The following CTCF variants were observed in gnomAD, a reference collection of about 807,000 sequenced individuals.
The protein encoded by CTCF is transcriptional repressor CTCF.
In CTCF, 7 loss-of-function variants were observed where a neutral mutation model predicts 72.3. The ratio of observed to expected loss-of-function variants is 0.10; its 90% CI spans 0.06 to 0.18. The LOEUF (loss-of-function observed/expected upper bound fraction) is 0.18, where lower values mean the gene tolerates loss of function less well. CTCF is among the 10% of genes least tolerant of loss of function. CTCF has a pLI of 1.00. For missense variants in CTCF, 516 were observed against 949.1 expected, an observed-to-expected ratio of 0.54 and a Z score of 6.00; for synonymous variants, 374 against 315.8, an observed-to-expected ratio of 1.18 and a Z score of -1.95.
chr16:67,584,072 T>A (rs1449420592), intron 2 of CTCF, among the ~76,000 whole-genome samples: 1 of 120,394 alleles, frequency 8.3e-6, no homozygotes, highest in African/African-American at 3.9e-5. Context: ...GTGCAGTCGT[T>A]TAAAAATGTC....
intron 2 of CTCF, among the ~76,000 whole-genome samples, chr16:67,591,448 A>G (rs1447260232): frequency 2.0e-5 from 3 of 152,114 alleles, no homozygotes; most frequent in South Asian, 4.1e-4. Flanking sequence ...TATTCTCCCA[A>G]TTCAACTCCT....
At chr16:67,621,722 G>A (rs1447479281) in intron 7 of CTCF, 131 bp downstream of exon 7, 2 of 311,526 alleles carry the variant, frequency 6.4e-6, no homozygotes, top group Admixed American at 4.5e-5. Flanking sequence ...CTGTCACTTA[G>A]TTTAGTAAAA....
At chr16:67,628,662 C>T (rs2052322500) in intron 9 of CTCF, 110 bp downstream of exon 9, 2 of 1,117,528 alleles carry the variant, frequency 1.8e-6, no homozygotes, top group African/African-American at 3.1e-5. Flanking sequence ...CAGAGATGCT[C>T]CATTGTTTGG....
Position 67,626,541 on chromosome 16 carries a change from T to C in CTCF, c.1358-14T>C, listed in dbSNP as rs2052289918. The C allele has an allele frequency of 6.9e-7, 1 of 1,443,554 alleles. No individual in the cohort carries two copies. Among genetic ancestry groups the C allele is most frequent in the Non-Finnish European group, 9.2e-7 (1 of 1,088,852 alleles). The allele number at this position is 1,443,554 out of a possible 1,614,324, so 89.4% of individuals were successfully genotyped here. On this transcript the variant is annotated splice_polypyrimidine_tract_variant and intron_variant, in intron 7 of 11. Transcript: ENST00000264010. The stretch of plus-strand genomic sequence containing the variant: ...TGTTTTCACATTACCCTGGGCTTTT[T>C]ACTGTGCTTTCAGGTGTCCACTTGC...
At chr16:67,634,029 G>C (rs1218668276) in intron 10 of CTCF, among the ~76,000 whole-genome samples, 1 of 152,090 alleles carries the variant, frequency 6.6e-6, no homozygotes, top group Non-Finnish European at 1.5e-5. Flanking sequence ...GTGAATAATA[G>C]TATTCAAGTC....
At chr16:67,636,593 A>C (rs1366524082) in intron 10 of CTCF, 97 bp from the exon 11 acceptor site, 5 of 453,334 alleles carry the variant, frequency 1.1e-5, no homozygotes, top group Non-Finnish European at 1.7e-5. Context: ...ATATATATTT[A>C]TAAAACAAGA....
chr16:67,604,708 T>A (rs1028166162), intron 2 of CTCF, among the ~76,000 whole-genome samples: 2 of 151,122 alleles, frequency 1.3e-5, no homozygotes, highest in African/African-American at 2.4e-5. Context: ...TAAAATAGAT[T>A]ACTAAAATTA....
At chr16:67,608,406 G>A (rs1192887026) in intron 2 of CTCF, among the ~76,000 whole-genome samples, 3 of 152,150 alleles carry the variant, frequency 2.0e-5, no homozygotes, top group Non-Finnish European at 2.9e-5. Flanking sequence ...TGTCAGGAGA[G>A]AGGTGAATGT....
intron 2 of CTCF, among the ~76,000 whole-genome samples, chr16:67,605,210 T>C (rs2142804530): frequency 6.6e-6 from 1 of 152,240 alleles, no homozygotes; most frequent in African/African-American, 2.4e-5. Context: ...CCTGACCTCA[T>C]GATCCACCCG....
At chr16:67,579,929 C>T (rs1419932243) in intron 2 of CTCF, among the ~76,000 whole-genome samples, 2 of 152,098 alleles carry the variant, frequency 1.3e-5, no homozygotes, top group Non-Finnish European at 2.9e-5. Context: ...TGCAGATCTG[C>T]TGATAGGGCC....
At chr16:67,613,748 C>T (rs981132649) in intron 4 of CTCF, among the ~76,000 whole-genome samples, 2 of 152,072 alleles carry the variant, frequency 1.3e-5, no homozygotes, top group African/African-American at 2.4e-5. Flanking sequence ...CGTACTCCAA[C>T]CTAAGTGACA....
In CTCF at chr16:67,573,321, C is replaced by G. The variant is rs954307650; in HGVS notation, c.-10+2057C>G. On this transcript the variant is annotated intron_variant, in intron 2 of 11. Transcript: ENST00000264010. ...GTGCGTGCCTGTAATCCCAACTACT[C>G]GGGAGGCTGAGGCAGGAGAATCACC... 1.0e-3 allele frequency among the ~76,000 whole-genome samples: 153 copies of G among 150,432 alleles called. 1 individual carries two copies. Among genetic ancestry groups the G allele is most frequent in the African/African-American group, 3.2e-3 (132 of 40,984 alleles).
At chr16:67,599,572 G>A (rs186393936) in intron 2 of CTCF, among the ~76,000 whole-genome samples, 33 of 152,212 alleles carry the variant, frequency 2.2e-4, no homozygotes, top group African/African-American at 5.5e-4. Flanking sequence ...CCTCATCCCC[G>A]ATTGCCTGGA....
chr16:67,570,952 A>G (rs964800860), intron 1 of CTCF, 196 bp from the exon 2 acceptor site: 3 of 152,086 alleles, frequency 2.0e-5, no homozygotes, highest in Admixed American at 2.0e-4. Flanking sequence ...AAATGTGTGA[A>G]AAAATAAATG....
chr16:67,611,401 G>A lies in CTCF; in HGVS notation c.569G>A (p.Ser190Asn). The A allele has an allele frequency of 6.2e-7, 1 of 1,614,146 alleles. No individual in the cohort carries two copies. The highest frequency in any genetic ancestry group is 1.3e-5 in the African/African-American group (1 of 75,042). The change falls in exon 3 of 12, where the codon AGT (serine) becomes AAT (asparagine). Residue 190 changes from serine to asparagine, a missense_variant. By Grantham distance (46) the Ser-to-Asn change is conservative. This residue lies in a region of CTCF where 53 missense variants were observed against 63.6 expected (regional missense o/e 0.83). Coordinates refer to ENST00000264010, the MANE Select transcript of CTCF (RefSeq NM_006565.4). Reference sequence around the variant, plus strand: ...GAACTTCCACCCCAGGAAGATCCTAGTTGGCAAAAAGACCCAGACTATCAG... The same window carrying A: ...GAACTTCCACCCCAGGAAGATCCTAATTGGCAAAAAGACCCAGACTATCAG... ...QGELPPQEDP[S>N]WQKDPDYQPP...
chr16:67,600,231 A>G (rs879940765), intron 2 of CTCF, among the ~76,000 whole-genome samples: 4 of 151,122 alleles, frequency 2.6e-5, no homozygotes, highest in African/African-American at 7.3e-5. Context: ...TAAATTTATT[A>G]TTTTTTTTAT....
chr16:67,573,779 T>A (rs2051457908), intron 2 of CTCF, among the ~76,000 whole-genome samples: 1 of 152,122 alleles, frequency 6.6e-6, no homozygotes, highest in South Asian at 2.1e-4. Flanking sequence ...ATGCCTGTAA[T>A]CCTAGCACTT....
chr16:67,629,723 G>C (rs1236274411), intron 10 of CTCF, among the ~76,000 whole-genome samples, 190 bp downstream of exon 10: 1 of 100,656 alleles, frequency 9.9e-6, no homozygotes, highest in Non-Finnish European at 2.0e-5. Context: ...TTTTTTCTTC[G>C]TGGCATTCCG....
chr16:67,621,675 C>A (rs1001098132), intron 7 of CTCF, 84 bp downstream of exon 7: 12 of 1,008,444 alleles, frequency 1.2e-5, no homozygotes, highest in Non-Finnish European at 1.8e-5. Context: ...ATAACTTCAC[C>A]TTCTGACTCT....
Sources: gnomAD v4.1 joint callset for allele counts (sites outside exome capture counted in the v4.1 genomes callset) on GRCh38, gnomAD v4.1.1 for gene constraint, gnomAD v4.1.1 regional missense constraint, MANE v1.5 for transcripts, NCBI Gene and HGNC (gene_info 2026-07-23, HGNC 2026-07-21) for gene names.